The following NECAB2 variants were observed in gnomAD, a reference collection of about 807,000 sequenced individuals.
The protein encoded by NECAB2 is N-terminal EF-hand calcium binding protein 2, also known as N-terminal EF-hand calcium-binding protein 2.
NECAB2 carries 68 observed loss-of-function variants against 51.9 expected under a neutral mutation model. That is an observed-to-expected ratio of 1.31 (90% CI 1.08 to 1.60). NECAB2 has a LOEUF of 1.60. Ranked by LOEUF, NECAB2 falls within the 40% of genes most tolerant of loss-of-function variation. NECAB2 has a pLI of 0.00. For missense variants in NECAB2, 854 were observed against 490.3 expected (o/e 1.74, Z -7.00); for synonymous variants, 329 against 203.5 (o/e 1.62, Z -5.25).
At chr16:84,002,205 G>A in intron 12 of NECAB2, 113 bp from the exon 13 acceptor site, 3 of 1,348,006 alleles carry the variant, frequency 2.2e-6, no homozygotes, top group African/African-American at 1.5e-5. Flanking sequence ...GGACCTGTGT[G>A]TCACACAAGG....
At chr16:83,988,912 G>C (rs1269092767) in intron 5 of NECAB2, among the ~76,000 whole-genome samples, 1 of 152,138 alleles carries the variant, frequency 6.6e-6, no homozygotes, top group Non-Finnish European at 1.5e-5. Context: ...ATCTTTACAT[G>C]GGGGAATGTA....
At chr16:83,994,182 A>T (rs1486280485) in intron 6 of NECAB2, 120 bp from the exon 7 acceptor site, 1 of 891,038 alleles carries the variant, frequency 1.1e-6, no homozygotes, top group East Asian at 2.5e-5. Context: ...GCCATGATGC[A>T]AGTTCTGTGC....
At chr16:83,979,437 A>C (rs955377198) in intron 3 of NECAB2, among the ~76,000 whole-genome samples, 4 of 152,140 alleles carry the variant, frequency 2.6e-5, no homozygotes, top group Non-Finnish European at 4.4e-5. Flanking sequence ...CGGCTGAGAG[A>C]GTCCTGGGGG....
In NECAB2 at chr16:83,980,879, A is replaced by C. The variant is rs751230821; in HGVS notation, c.361+15A>C. Reference sequence around the variant, plus strand: ...GGAGCTGTGTGGTAGGTGCCTGGCTATGCTGGGACCAAGATGGGGATGCTG... The same window carrying C: ...GGAGCTGTGTGGTAGGTGCCTGGCTCTGCTGGGACCAAGATGGGGATGCTG... On this transcript the variant is annotated intron_variant, in intron 4 of 12. Transcript: ENST00000305202. The C allele has an allele frequency of 6.2e-7, 1 of 1,612,596 alleles. No individual in the cohort carries two copies. Among genetic ancestry groups the C allele is most frequent in the South Asian group, 1.1e-5 (1 of 90,916 alleles).
chr16:83,997,299 AC>A, intron 9 of NECAB2, 30 bp downstream of exon 9: 1 of 1,613,762 alleles, frequency 6.2e-7, no homozygotes, highest in Non-Finnish European at 8.5e-7. Context: ...CTCTTCTGGG[AC>A]CACATCCCTA....
intron 12 of NECAB2, 71 bp from the exon 13 acceptor site, chr16:84,002,247 G>T (rs1318117810): frequency 1.3e-6 from 2 of 1,565,240 alleles, no homozygotes; most frequent in East Asian, 4.5e-5. Context: ...TGTCATTCAA[G>T]ACGACCACCA....
At chr16:83,978,689 C>G in intron 3 of NECAB2, 137 bp downstream of exon 3, 1 of 678,974 alleles carries the variant, frequency 1.5e-6, no homozygotes, top group Non-Finnish European at 2.5e-6. Flanking sequence ...ATCCAGAAGT[C>G]AGCTCTTCAC....
At chr16:83,998,964 G>C (rs534382369) in intron 10 of NECAB2, among the ~76,000 whole-genome samples, 2 of 152,148 alleles carry the variant, frequency 1.3e-5, no homozygotes, top group Non-Finnish European at 2.9e-5. Flanking sequence ...GTTCTTGCTG[G>C]TAGTGGTCCC....
intron 6 of NECAB2, among the ~76,000 whole-genome samples, chr16:83,992,798 A>G (rs2084643254): frequency 6.6e-6 from 1 of 152,178 alleles, no homozygotes; most frequent in African/African-American, 2.4e-5. Flanking sequence ...AACTCTGCAC[A>G]TGTGGTCAGT....
At chr16:83,987,730 G>A (rs1390827096) in intron 5 of NECAB2, among the ~76,000 whole-genome samples, 1 of 151,750 alleles carries the variant, frequency 6.6e-6, no homozygotes, top group Admixed American at 6.6e-5. Context: ...GCTATTATGA[G>A]TATTACATAG....
intron 2 of NECAB2, 143 bp downstream of exon 2, chr16:83,972,318 T>C: frequency 8.4e-7 from 1 of 1,187,070 alleles, no homozygotes; most frequent in East Asian, 2.5e-5. Flanking sequence ...GGCCAAATCC[T>C]GCTGCTGCTC....
intron 6 of NECAB2, among the ~76,000 whole-genome samples, chr16:83,993,812 C>T (rs1391636070): frequency 2.6e-5 from 4 of 152,110 alleles, no homozygotes; most frequent in South Asian, 2.1e-4. Flanking sequence ...TGTTACATCC[C>T]GACTGTCAGT....
At chr16:83,977,086 G>A (rs562301485) in intron 2 of NECAB2, among the ~76,000 whole-genome samples, 5 of 152,360 alleles carry the variant, frequency 3.3e-5, no homozygotes, top group African/African-American at 1.2e-4. Flanking sequence ...CCTCTCGGCA[G>A]AGAAAGGAGA....
intron 7 of NECAB2, 23 bp downstream of exon 7, chr16:83,994,443 G>T: frequency 1.2e-6 from 2 of 1,612,378 alleles, no homozygotes; most frequent in Non-Finnish European, 1.7e-6. Flanking sequence ...GGGGGCCCTG[G>T]TGGGGGTACC....
At chr16:83,970,098 T>G (rs2084332522) in intron 1 of NECAB2, among the ~76,000 whole-genome samples, 1 of 152,182 alleles carries the variant, frequency 6.6e-6, no homozygotes, top group Non-Finnish European at 1.5e-5. Flanking sequence ...CTGAAAGTCC[T>G]GGGCAGAGCC....
At chr16:84,001,728 AG>A (rs2084840099) in intron 11 of NECAB2, 96 bp from the exon 12 acceptor site, 1 of 1,328,986 alleles carries the variant, frequency 7.5e-7, no homozygotes. Context: ...CTTATTGATA[AG>A]CTCCCCATTT....
intron 4 of NECAB2, 40 bp downstream of exon 4, chr16:83,980,904 G>A: frequency 6.2e-7 from 1 of 1,613,548 alleles, no homozygotes; most frequent in Non-Finnish European, 8.5e-7. Flanking sequence ...TGGGGATGCT[G>A]GGATGGGGCT....
rs532400937 is a variant in NECAB2, at chr16:83,968,373, C to T, written c.-276C>T. On this transcript the variant is annotated 5_prime_UTR_variant, in exon 1 of 13. Transcript: ENST00000305202. ...ATACCCCTCCCCTCCGGGTAGCCCC[C>T]TCTGTGGCTGCGCCCGCGCCCCTCG... Among the ~76,000 whole-genome samples, 1 of 150,510 alleles carries T rather than the reference C, an allele frequency of 6.6e-6. No homozygotes were observed. The highest frequency in any genetic ancestry group is 1.5e-5 in the Non-Finnish European group (1 of 67,558).
chr16:83,987,191 A>G (rs1290723725), intron 5 of NECAB2, among the ~76,000 whole-genome samples: 1 of 152,162 alleles, frequency 6.6e-6, no homozygotes, highest in Non-Finnish European at 1.5e-5. Flanking sequence ...TAAACTTAGA[A>G]AAACAAGAAA....
Sources: gnomAD v4.1 joint callset for allele counts (sites outside exome capture counted in the v4.1 genomes callset) on GRCh38, gnomAD v4.1.1 for gene constraint, MANE v1.5 for transcripts, NCBI Gene and HGNC (gene_info 2026-07-23, HGNC 2026-07-21) for gene names.